LRRC9: variants seen among roughly 807,000 people sequenced by gnomAD.
LRRC9 encodes leucine-rich repeat-containing protein 9.
In LRRC9, 122 loss-of-function variants were observed where a neutral mutation model predicts 63.2. The observed-to-expected ratio is 1.93, with a 90% CI of 1.67 to 2.24. The LOEUF (loss-of-function observed/expected upper bound fraction) is 2.24, where lower values mean the gene tolerates loss of function less well. Among genes scored for constraint, LRRC9 ranks in the 30% most tolerant of loss-of-function variants. The pLI is 0.00. For missense variants in LRRC9, 1,071 were observed against 627.7 expected (o/e 1.71, Z -7.55); for synonymous variants, 366 against 213.1 (o/e 1.72, Z -6.25).
At position 59,932,161 on chromosome 14, in the gene LRRC9, C is replaced by G; in HGVS notation, c.543+122C>G. ...AAGTTCATTATTTTGGGCTGATGCT[C>G]CAGGAAATTTGAAAGTCATCTGACT... On this transcript the variant is annotated intron_variant, in intron 6 of 31. Transcript: ENST00000445360. This position sits in a 1 kb window ranked among gnomAD's most constrained non-coding sequence, Gnocchi z 4.7. 1.8e-6 allele frequency: 1 copy of G among 568,830 alleles called. No individual in the cohort carries two copies. The highest frequency in any genetic ancestry group is 3.0e-5 in the East Asian group (1 of 33,470). The allele number at this position is 568,830 out of a possible 1,614,324, so 35.2% of individuals were successfully genotyped here. A position where few individuals can be genotyped will look rare whatever the true frequency, so the allele number is the denominator to read the frequency against.
At chr14:60,018,598 G>GA (rs1245653518) in intron 25 of LRRC9, 119 bp downstream of exon 25, 2 of 388,352 alleles carry the variant, frequency 5.1e-6, no homozygotes, top group African/African-American at 2.6e-5. Context: ...AATTTTCTTT[G>GA]GGTTTTTTTT....
chr14:60,038,498 A>T (rs1892649772), intron 29 of LRRC9, among the ~76,000 whole-genome samples: 1 of 152,070 alleles, frequency 6.6e-6, no homozygotes, highest in South Asian at 2.1e-4. Context: ...TGTAAGTTAG[A>T]TTCCTAGGTA....
chr14:60,065,580 A>G (rs1306996471), downstream of LRRC9, among the ~76,000 whole-genome samples: 3 of 135,636 alleles, frequency 2.2e-5, no homozygotes, highest in African/African-American at 5.3e-5. Flanking sequence ...CCAGGGAGGC[A>G]GAGGTTGCAG....
intron 29 of LRRC9, among the ~76,000 whole-genome samples, chr14:60,041,065 T>G (rs566494186): frequency 6.6e-6 from 1 of 152,076 alleles, no homozygotes; most frequent in African/African-American, 2.4e-5. Context: ...ATTGTTTTCT[T>G]TAAGAATGTT....
chr14:60,024,524 C>G (rs943310822), intron 27 of LRRC9, among the ~76,000 whole-genome samples: 17 of 151,938 alleles, frequency 1.1e-4, no homozygotes, highest in African/African-American at 3.4e-4. Flanking sequence ...GGTAGTTGAT[C>G]TGAGTATGGT....
chr14:59,984,051 A>C (rs928136123), intron 16 of LRRC9, among the ~76,000 whole-genome samples: 2 of 152,264 alleles, frequency 1.3e-5, no homozygotes, highest in Admixed American at 6.5e-5. Flanking sequence ...ACAGTTCTAC[A>C]ATCAAATGTA....
chr14:60,006,636 A>AT lies in LRRC9; in HGVS notation c.3063+26dup, dbSNP rs761026207. 17 of 585,084 alleles carry AT rather than the reference A, an allele frequency of 2.9e-5. No homozygotes were observed. In the South Asian group the frequency reaches 3.2e-4, roughly 11 times the overall value. The allele number at this position is 585,084 out of a possible 1,614,324, so 36.2% of individuals were successfully genotyped here. Reference sequence around the variant, plus strand: ...TTTAAAGGTAATCATCTGGGTAGTAATTTTTTTGTTTTTTAACATGTATTG... The same window carrying AT: ...TTTAAAGGTAATCATCTGGGTAGTAATTTTTTTTGTTTTTTAACATGTATTG... On this transcript the variant is annotated intron_variant, in intron 22 of 31. Transcript: ENST00000445360.
intron 26 of LRRC9, among the ~76,000 whole-genome samples, chr14:60,019,520 A>G (rs1890952493): frequency 6.6e-6 from 1 of 151,918 alleles, no homozygotes; most frequent in African/African-American, 2.4e-5. Context: ...AAAACAAACA[A>G]ACAAAAGGCC....
chr14:59,925,291 A>G (rs932216389), intron 1 of LRRC9, among the ~76,000 whole-genome samples: 2 of 152,210 alleles, frequency 1.3e-5, no homozygotes, highest in East Asian at 3.9e-4. Flanking sequence ...TGTATTTCTC[A>G]CAGGTCTAGA....
At chr14:60,063,526 G>A (rs1484933774) in exon 32 of LRRC9, 4 of 505,350 alleles carry the variant, frequency 7.9e-6, no homozygotes, top group Middle Eastern at 3.4e-4. Flanking sequence ...TACCCTTCAT[G>A]AACTTGATTT....
chr14:59,951,784 G>A (rs914701802), intron 8 of LRRC9, among the ~76,000 whole-genome samples: 3 of 151,364 alleles, frequency 2.0e-5, no homozygotes, highest in African/African-American at 7.4e-5. Flanking sequence ...GCCCCTGCTG[G>A]GGGGTAGGCC....
chr14:59,998,612 T>C (rs1889043105), intron 18 of LRRC9, among the ~76,000 whole-genome samples: 1 of 152,208 alleles, frequency 6.6e-6, no homozygotes, highest in Middle Eastern at 3.4e-3. Context: ...TTCTATTAAA[T>C]TGACCATATT....
intron 17 of LRRC9, among the ~76,000 whole-genome samples, chr14:59,996,159 A>G (rs1888766473): frequency 6.6e-6 from 1 of 152,212 alleles, no homozygotes; most frequent in Non-Finnish European, 1.5e-5. Flanking sequence ...AGGGCCATAT[A>G]GTAAATTCTT....
chr14:60,038,276 A>C (rs977994198), intron 29 of LRRC9, among the ~76,000 whole-genome samples: 6 of 152,274 alleles, frequency 3.9e-5, no homozygotes, highest in African/African-American at 1.4e-4. Flanking sequence ...TATGAACTTT[A>C]AAGTAGTTTT....
At chr14:59,984,336 G>A (rs1887235638) in intron 16 of LRRC9, among the ~76,000 whole-genome samples, 1 of 152,158 alleles carries the variant, frequency 6.6e-6, no homozygotes, top group African/African-American at 2.4e-5. Context: ...TAAGATGGTG[G>A]TGGTGAATGA....
chr14:59,971,911 T>C (rs1313428868), intron 12 of LRRC9, among the ~76,000 whole-genome samples: 1 of 152,158 alleles, frequency 6.6e-6, no homozygotes, highest in Non-Finnish European at 1.5e-5. Flanking sequence ...CAGTACAAAT[T>C]AATCTTTCTT....
chr14:59,980,261 T>C (rs955994262), intron 15 of LRRC9, among the ~76,000 whole-genome samples: 4 of 152,180 alleles, frequency 2.6e-5, no homozygotes, highest in African/African-American at 7.2e-5. Context: ...TTCTGCTCTA[T>C]TTCAAAATAC....
rs1230314973 is a variant in LRRC9 at position 60,003,882 on chromosome 14, T to C, written c.2842+84T>C. On this transcript the variant is annotated intron_variant, in intron 21 of 31. Coordinates refer to ENST00000445360, the Ensembl canonical transcript of LRRC9. This position sits in a 1 kb window ranked among gnomAD's most constrained non-coding sequence, Gnocchi z 4.2. The stretch of plus-strand genomic sequence containing the variant: ...AAAATAACCCTGGGAACAGAGTTTC[T>C]GAAGAGGAAGATCTCTAGGAAAGTT... 4 of 526,742 alleles carry C rather than the reference T, an allele frequency of 7.6e-6. No homozygotes were observed. In the African/African-American group the frequency reaches 7.8e-5, roughly 10 times the overall value. The allele number at this position is 526,742 out of a possible 1,614,324, so 32.6% of individuals were successfully genotyped here. A position where few individuals can be genotyped will look rare whatever the true frequency, so the allele number is the denominator to read the frequency against.
chr14:59,968,859 C>A (rs2140011927), intron 12 of LRRC9, among the ~76,000 whole-genome samples: 1 of 152,258 alleles, frequency 6.6e-6, no homozygotes, highest in East Asian at 1.9e-4. Context: ...GCTGCTCTGT[C>A]CAAAAGAGTA....
Sources: gnomAD v4.1 joint callset for allele counts (sites outside exome capture counted in the v4.1 genomes callset) on GRCh38, gnomAD v4.1.1 for gene constraint, Gnocchi (gnomAD v3.1) non-coding constraint, MANE v1.5 for transcripts, NCBI Gene and HGNC (gene_info 2026-07-23, HGNC 2026-07-21) for gene names.